WDR7: variants seen among roughly 807,000 people sequenced by gnomAD.
WDR7 encodes the protein WD repeat-containing protein 7.
A neutral mutation model predicts 169.4 loss-of-function variants in WDR7; 46 were observed. That is an observed-to-expected ratio of 0.27 (90% CI 0.21 to 0.35). WDR7 has a LOEUF of 0.35. Ranked by LOEUF, WDR7 falls within the 10% of genes least tolerant of loss-of-function variation. The probability of loss-of-function intolerance (pLI) is 1.00; values close to 1 mark genes in which losing one functional copy is unlikely to be tolerated. For missense variants in WDR7, 1,534 were observed against 1,859.3 expected (o/e 0.83, Z 3.22); for synonymous variants, 612 against 666.8 (o/e 0.92, Z 1.27).
intron 26 of WDR7, among the ~76,000 whole-genome samples, chr18:57,007,304 T>C (rs1485962290): frequency 6.6e-6 from 1 of 152,188 alleles, no homozygotes; most frequent in Admixed American, 6.5e-5. Flanking sequence ...GTATATTTTT[T>C]CTTTTTATAA....
chr18:56,995,713 A>G (rs1015784716), intron 26 of WDR7, among the ~76,000 whole-genome samples: 7 of 152,216 alleles, frequency 4.6e-5, no homozygotes, highest in African/African-American at 1.7e-4. Flanking sequence ...GAGAACTACT[A>G]GAACCCACAG....
chr18:56,859,719 A>G (rs1364909456), intron 20 of WDR7, among the ~76,000 whole-genome samples: 3 of 152,186 alleles, frequency 2.0e-5, no homozygotes, highest in Non-Finnish European at 2.9e-5. Flanking sequence ...ACAAATATAA[A>G]ATGAAATGTG....
chr18:56,935,679 T>C (rs570826462), intron 22 of WDR7, 109 bp from the exon 23 acceptor site: 2 of 983,026 alleles, frequency 2.0e-6, no homozygotes, highest in Admixed American at 1.7e-5. Flanking sequence ...TCTAACTGTT[T>C]GAGTGCTCCC....
intron 20 of WDR7, among the ~76,000 whole-genome samples, chr18:56,830,496 G>A (rs984810796): frequency 3.9e-5 from 6 of 152,176 alleles, no homozygotes; most frequent in Non-Finnish European, 5.9e-5. Context: ...GAAAAGATCT[G>A]TTAAGAAAAT....
At chr18:56,927,890 C>A (rs572051637) in intron 22 of WDR7, among the ~76,000 whole-genome samples, 2 of 152,208 alleles carry the variant, frequency 1.3e-5, no homozygotes, top group East Asian at 3.9e-4. Context: ...CCCAAAATAA[C>A]CATGATGCAA....
chr18:56,909,002 G>A (rs186332438), intron 21 of WDR7, among the ~76,000 whole-genome samples: 297 of 152,276 alleles, frequency 2.0e-3, no homozygotes, highest in African/African-American at 6.8e-3. Context: ...CTGTACATAT[G>A]TACAGGAGTA....
chr18:56,965,499 C>A (rs1017100433), intron 26 of WDR7, among the ~76,000 whole-genome samples: 1 of 150,622 alleles, frequency 6.6e-6, no homozygotes, highest in South Asian at 2.1e-4. Flanking sequence ...TTATGCAAAA[C>A]CACAGGATAA....
At chr18:56,783,003 T>A (rs753746266) in intron 19 of WDR7, among the ~76,000 whole-genome samples, 12 of 152,156 alleles carry the variant, frequency 7.9e-5, no homozygotes, top group Non-Finnish European at 1.3e-4. Flanking sequence ...TTATAATCTA[T>A]AAAAATGCAA....
At chr18:56,983,607 C>T (rs1455605214) in intron 26 of WDR7, among the ~76,000 whole-genome samples, 1 of 151,196 alleles carries the variant, frequency 6.6e-6, no homozygotes, top group Non-Finnish European at 1.5e-5. Context: ...AAATAAACTC[C>T]CTGTCAGTTT....
intron 20 of WDR7, among the ~76,000 whole-genome samples, chr18:56,855,227 T>G (rs2045700608): frequency 1.0e-5 from 1 of 97,390 alleles, no homozygotes; most frequent in African/African-American, 2.7e-5. Context: ...GTTCAAGTCT[T>G]TTGCCTGTTT....
At chr18:56,894,381 T>TTC (rs2145538961) in intron 21 of WDR7, among the ~76,000 whole-genome samples, 1 of 152,142 alleles carries the variant, frequency 6.6e-6, no homozygotes, top group East Asian at 1.9e-4. Context: ...TCACCTTGCT[T>TTC]ACTCCAGTGC....
intron 9 of WDR7, among the ~76,000 whole-genome samples, chr18:56,692,770 A>G (rs2025604883): frequency 1.3e-5 from 2 of 152,318 alleles, no homozygotes; most frequent in South Asian, 4.1e-4. Context: ...TTTTAAATTA[A>G]AAATGTGTAT....
chr18:56,825,140 T>C (rs2045176154), intron 20 of WDR7, among the ~76,000 whole-genome samples: 4 of 152,212 alleles, frequency 2.6e-5, no homozygotes, highest in Admixed American at 2.6e-4. Context: ...CTGTGCCTCC[T>C]CGTTTCTAGG....
At chr18:56,794,304 A>ATTTTTTTTTTGTTTT (rs2044544306) in intron 19 of WDR7, among the ~76,000 whole-genome samples, 1 of 49,464 alleles carries the variant, frequency 2.0e-5, no homozygotes, top group Non-Finnish European at 3.8e-5. Context: ...GGTAAAGTCT[A>ATTTTTTTTTTGTTTT]TTTTTTTTTT....
chr18:56,747,769 T>C (rs2043728247), intron 14 of WDR7, among the ~76,000 whole-genome samples: 1 of 152,008 alleles, frequency 6.6e-6, no homozygotes, highest in African/African-American at 2.4e-5. Flanking sequence ...GTGGAGAGAA[T>C]AGTGAGATGT....
At chr18:56,896,453 T>C (rs1422618200) in intron 21 of WDR7, among the ~76,000 whole-genome samples, 2 of 151,878 alleles carry the variant, frequency 1.3e-5, no homozygotes, top group Non-Finnish European at 2.9e-5. Context: ...TCTAAATTTA[T>C]TGTAATTATT....
chr18:56,923,874 C>A, intron 21 of WDR7, 48 bp from the exon 22 acceptor site: 1 of 1,446,136 alleles, frequency 6.9e-7, no homozygotes, highest in Non-Finnish European at 9.1e-7. Context: ...GAAACAATTA[C>A]AAAAGTAAAA....
chr18:56,661,311 C>CA (rs1293894081), intron 1 of WDR7, among the ~76,000 whole-genome samples: 2 of 152,012 alleles, frequency 1.3e-5, no homozygotes, highest in African/African-American at 4.8e-5. Flanking sequence ...TTAGCTTAAT[C>CA]AGTAACTCTT....
Position 56,757,124 on chromosome 18 carries a change from T to G in WDR7, c.2531T>G (p.Met844Arg), listed in dbSNP as rs752811447. The G allele has an allele frequency of 6.2e-7, 1 of 1,614,146 alleles. No homozygotes were observed. Among genetic ancestry groups the G allele is most frequent in the Admixed American group, 1.7e-5 (1 of 60,020 alleles). Reference sequence around the variant, plus strand: ...GGCCTCTTGTCAAGAGGAGGCCATATGTCACTGATGCTGCCGGGTTATAAT... The same window carrying G: ...GGCCTCTTGTCAAGAGGAGGCCATAGGTCACTGATGCTGCCGGGTTATAAT... Reference protein sequence around the residue: ...SFGLLSRGGHMSLMLPGYNQP... With the variant: ...SFGLLSRGGHRSLMLPGYNQP... The change falls in exon 15 of 28, where the codon ATG (methionine) becomes AGG (arginine). Residue 844 changes from methionine to arginine, a missense_variant. Physicochemically the swap from Met to Arg is moderately conservative, Grantham distance 91. Transcript: ENST00000254442.
Sources: gnomAD v4.1 joint callset for allele counts (sites outside exome capture counted in the v4.1 genomes callset) on GRCh38, gnomAD v4.1.1 for gene constraint, MANE v1.5 for transcripts, NCBI Gene and HGNC (gene_info 2026-07-23, HGNC 2026-07-21) for gene names.